The following EYS variants were observed in gnomAD, a reference collection of about 807,000 sequenced individuals.
EYS encodes the protein EGF-like photoreceptor maintenance factor.
In EYS, 250 loss-of-function variants were observed where a neutral mutation model predicts 282.1. That is an observed-to-expected ratio of 0.89 (90% CI 0.80 to 0.98). The LOEUF (loss-of-function observed/expected upper bound fraction) is 0.98. EYS is among the 50% of genes least tolerant of loss of function. The probability of loss-of-function intolerance (pLI) is 0.00; values close to 1 mark genes in which losing one functional copy is unlikely to be tolerated. For synonymous variants in EYS, 1,355 were observed against 1,282.9 expected (o/e 1.06, Z -1.20); for missense variants, 4,016 against 3,709.0 (o/e 1.08, Z -2.15).
At chr6:64,151,329 A>ATATATATATATATATT (rs1774711188) in intron 31 of EYS, among the ~76,000 whole-genome samples, 4 of 96,026 alleles carry the variant, frequency 4.2e-5, no homozygotes, top group East Asian at 3.1e-4. Flanking sequence ...ATATATATAT[A>ATATATATATATATATT]TATATATATA....
At chr6:64,977,889 A>G (rs1770524039) in intron 14 of EYS, among the ~76,000 whole-genome samples, 1 of 151,936 alleles carries the variant, frequency 6.6e-6, no homozygotes, top group African/African-American at 2.4e-5. Flanking sequence ...GAGGTGTCAA[A>G]GCTGCAGAAG....
At chr6:64,398,468 G>T (rs952747834) in intron 28 of EYS, among the ~76,000 whole-genome samples, 1 of 151,482 alleles carries the variant, frequency 6.6e-6, no homozygotes, top group Non-Finnish European at 1.5e-5. Context: ...TCTGTTGTTT[G>T]GTGAAGTGTT....
intron 22 of EYS, among the ~76,000 whole-genome samples, chr6:64,716,727 T>C (rs1771410376): frequency 6.6e-6 from 1 of 152,160 alleles, no homozygotes; most frequent in Non-Finnish European, 1.5e-5. Context: ...TTTGATGAAG[T>C]GGTAGTCTTC....
intron 22 of EYS, among the ~76,000 whole-genome samples, chr6:64,653,073 A>G (rs1205154954): frequency 6.7e-6 from 1 of 149,356 alleles, no homozygotes; most frequent in African/African-American, 2.5e-5. Context: ...ATTAGAGTGG[A>G]CTCTAATGCA....
At chr6:64,437,175 T>A (rs1313338543) in intron 27 of EYS, among the ~76,000 whole-genome samples, 3 of 151,688 alleles carry the variant, frequency 2.0e-5, no homozygotes, top group African/African-American at 7.2e-5. Context: ...AAAACTCCAA[T>A]AAGAAGCATT....
intron 41 of EYS, among the ~76,000 whole-genome samples, chr6:63,753,877 T>C (rs2149650180): frequency 6.6e-6 from 1 of 152,346 alleles, no homozygotes; most frequent in Middle Eastern, 3.4e-3. Flanking sequence ...TTCCTCCTCA[T>C]GCTTTTCTGA....
intron 31 of EYS, among the ~76,000 whole-genome samples, chr6:64,223,529 T>A (rs1048324432): frequency 2.6e-5 from 4 of 152,010 alleles, no homozygotes; most frequent in South Asian, 2.1e-4. Flanking sequence ...GGGGGACACA[T>A]GCTGTGGTAC....
intron 35 of EYS, among the ~76,000 whole-genome samples, chr6:63,948,904 G>C (rs1391091775): frequency 6.6e-6 from 1 of 151,826 alleles, no homozygotes; most frequent in African/African-American, 2.4e-5. Context: ...CTATATATAT[G>C]TTCTCATCTA....
chr6:64,054,520 A>G (rs1289167887), intron 33 of EYS, among the ~76,000 whole-genome samples: 1 of 152,102 alleles, frequency 6.6e-6, no homozygotes, highest in Non-Finnish European at 1.5e-5. Flanking sequence ...ATTATAAGAC[A>G]CATGATTTGT....
At chr6:65,171,295 A>G (rs547416704) in intron 12 of EYS, among the ~76,000 whole-genome samples, 128 of 151,678 alleles carry the variant, frequency 8.4e-4, no homozygotes, top group African/African-American at 3.0e-3. Flanking sequence ...ATGAAAATAC[A>G]TAAACTATAG....
intron 33 of EYS, among the ~76,000 whole-genome samples, chr6:64,023,747 G>A (rs570845498): frequency 9.3e-4 from 141 of 152,356 alleles, no homozygotes; most frequent in Admixed American, 1.7e-3. Flanking sequence ...GGCCAGAGCC[G>A]GCTCCCTCAG....
At chr6:65,485,646 A>G (rs759315239) in intron 5 of EYS, among the ~76,000 whole-genome samples, 8 of 152,204 alleles carry the variant, frequency 5.3e-5, no homozygotes, top group Non-Finnish European at 8.8e-5. Flanking sequence ...CACTACTAAA[A>G]ATACAAAACT....
At chr6:64,395,508 C>T (rs1773331830) in intron 28 of EYS, among the ~76,000 whole-genome samples, 1 of 151,970 alleles carries the variant, frequency 6.6e-6, no homozygotes, top group Non-Finnish European at 1.5e-5. Flanking sequence ...TGGAAATCAT[C>T]ATTCTCAGTA....
intron 16 of EYS, among the ~76,000 whole-genome samples, chr6:64,906,920 T>C (rs1767845782): frequency 6.6e-6 from 1 of 152,236 alleles, no homozygotes; most frequent in Non-Finnish European, 1.5e-5. Context: ...TCTTGACATG[T>C]ATTTCTAGGC....
At chr6:65,321,696 G>C (rs1769480136) in intron 11 of EYS, among the ~76,000 whole-genome samples, 1 of 152,190 alleles carries the variant, frequency 6.6e-6, no homozygotes, top group Non-Finnish European at 1.5e-5. Flanking sequence ...ATGAGGCTGA[G>C]CTCTGACCAA....
chr6:63,981,732 G>T (rs1248242264), intron 35 of EYS, among the ~76,000 whole-genome samples: 2 of 151,812 alleles, frequency 1.3e-5, no homozygotes, highest in African/African-American at 4.8e-5. Context: ...TAGAAATGAG[G>T]ATGGAAGGTG....
chr6:64,019,036 A>G (rs183273592), intron 33 of EYS, among the ~76,000 whole-genome samples: 4 of 152,174 alleles, frequency 2.6e-5, no homozygotes, highest in Admixed American at 2.6e-4. Context: ...TGGCCTCCCA[A>G]AGTGCTGGGA....
chr6:64,130,591 C>T lies in EYS; in HGVS notation c.6425-48589G>A, dbSNP rs567169228. Among the ~76,000 whole-genome samples the T allele has an allele frequency of 1.7e-4, 26 of 151,808 alleles. No individual in the cohort carries two copies. In the South Asian group the frequency reaches 5.2e-3, roughly 30 times the overall value. The stretch of plus-strand genomic sequence containing the variant: ...TATATACATATGTAACAAACCTGCA[C>T]ATTGTGCACATGTACCCTAAAACTT... On this transcript the variant is annotated intron_variant, in intron 31 of 42. Coordinates refer to ENST00000503581, the MANE Select transcript of EYS (RefSeq NM_001142800.2).
chr6:64,618,362 T>C (rs9445044), intron 23 of EYS, among the ~76,000 whole-genome samples: 30,299 of 152,062 alleles, frequency 0.2, 3,530 homozygotes, highest in East Asian at 0.34. Context: ...CACAACATCA[T>C]GTTAACCTAA....
Sources: gnomAD v4.1 joint callset for allele counts (sites outside exome capture counted in the v4.1 genomes callset) on GRCh38, gnomAD v4.1.1 for gene constraint, MANE v1.5 for transcripts, NCBI Gene and HGNC (gene_info 2026-07-23, HGNC 2026-07-21) for gene names.